Variants in CDH18 observed in about 807,000 individuals in gnomAD.
CDH18 encodes cadherin-18.
CDH18 carries 31 observed loss-of-function variants against 67.9 expected under a neutral mutation model. The ratio of observed to expected loss-of-function variants is 0.46; its 90% confidence interval spans 0.34 to 0.62. CDH18 has a LOEUF of 0.62. Ranked by LOEUF, CDH18 falls within the 20% of genes least tolerant of loss-of-function variation. The pLI is 0.01. For synonymous variants in CDH18, 362 were observed against 347.2 expected (o/e 1.04, Z -0.48); for missense variants, 890 against 975.5 (o/e 0.91, Z 1.17).
intron 1 of CDH18, among the ~76,000 whole-genome samples, chr5:20,460,745 G>C (rs939867233): frequency 6.6e-6 from 1 of 152,106 alleles, no homozygotes; most frequent in African/African-American, 2.4e-5. Flanking sequence ...CAAATAATCT[G>C]CTGTAAATAT....
At chr5:20,248,582 T>C (rs1743565501) in intron 2 of CDH18, among the ~76,000 whole-genome samples, 2 of 152,138 alleles carry the variant, frequency 1.3e-5, no homozygotes, top group Admixed American at 6.5e-5. Flanking sequence ...GGAAACAGAG[T>C]ATATACCTCT....
At chr5:20,223,319 T>C (rs1180458365) in intron 2 of CDH18, among the ~76,000 whole-genome samples, 1 of 152,196 alleles carries the variant, frequency 6.6e-6, no homozygotes, top group Non-Finnish European at 1.5e-5. Context: ...CCCTTCATTT[T>C]AGCCAATTTA....
At chr5:20,186,791 G>T (rs966913213) in intron 2 of CDH18, among the ~76,000 whole-genome samples, 2 of 151,776 alleles carry the variant, frequency 1.3e-5, no homozygotes, top group Non-Finnish European at 2.9e-5. Flanking sequence ...AATTCTTCCA[G>T]GTATATATTC....
intron 1 of CDH18, among the ~76,000 whole-genome samples, chr5:20,574,644 A>G (rs1222109835): frequency 3.3e-5 from 5 of 152,120 alleles, no homozygotes; most frequent in African/African-American, 1.2e-4. Flanking sequence ...GCCCCAGCTC[A>G]TTATTTCTAG....
At chr5:19,907,989 C>T (rs1790708627) in intron 2 of CDH18, among the ~76,000 whole-genome samples, 4 of 152,022 alleles carry the variant, frequency 2.6e-5, no homozygotes, top group African/African-American at 9.7e-5. Flanking sequence ...GTTAATCAGA[C>T]ATTTCTAACT....
At chr5:20,531,725 A>G (rs1488592012) in intron 1 of CDH18, among the ~76,000 whole-genome samples, 2 of 151,940 alleles carry the variant, frequency 1.3e-5, no homozygotes, top group South Asian at 2.1e-4. Context: ...ACAAGCAACA[A>G]TGGGGCCTGT....
chr5:20,204,819 T>G (rs11959223), intron 2 of CDH18, among the ~76,000 whole-genome samples: 18,936 of 151,810 alleles, frequency 0.12, 1,575 homozygotes, highest in African/African-American at 0.23. Flanking sequence ...GTTCCTATTC[T>G]TTTCTTTGTG....
chr5:19,679,819 A>G (rs1434243091), intron 5 of CDH18, among the ~76,000 whole-genome samples: 1 of 152,058 alleles, frequency 6.6e-6, no homozygotes, highest in Non-Finnish European at 1.5e-5. Context: ...AAAACATTCC[A>G]TACTCATGGA....
intron 2 of CDH18, among the ~76,000 whole-genome samples, chr5:19,998,785 GC>G (rs1736217464): frequency 6.6e-6 from 1 of 152,038 alleles, no homozygotes; most frequent in African/African-American, 2.4e-5. Context: ...AGAGGAGGCT[GC>G]CAAGCTTAGA....
chr5:20,453,193 A>G (rs937233438), intron 1 of CDH18, among the ~76,000 whole-genome samples: 2 of 152,198 alleles, frequency 1.3e-5, no homozygotes, highest in African/African-American at 4.8e-5. Flanking sequence ...GATAAACGGT[A>G]TGCATTACCA....
At chr5:19,542,999 G>A (rs937155718) in intron 9 of CDH18, among the ~76,000 whole-genome samples, 2 of 151,852 alleles carry the variant, frequency 1.3e-5, no homozygotes, top group Non-Finnish European at 2.9e-5. Flanking sequence ...ACTTTACATG[G>A]CACTATTTTC....
At chr5:20,101,853 C>T (rs1379300834) in intron 2 of CDH18, among the ~76,000 whole-genome samples, 2 of 152,152 alleles carry the variant, frequency 1.3e-5, no homozygotes, top group Non-Finnish European at 2.9e-5. Flanking sequence ...GCGGGCGGGT[C>T]ACAAGGTCAG....
intron 2 of CDH18, among the ~76,000 whole-genome samples, chr5:20,185,532 A>T (rs4591749): frequency 0.72 from 108,678 of 151,846 alleles, 39,974 homozygotes; most frequent in African/African-American, 0.91. Flanking sequence ...TATAAAGCAA[A>T]CCCAAGCCTG....
intron 1 of CDH18, among the ~76,000 whole-genome samples, chr5:20,331,123 T>C (rs1369233921): frequency 6.6e-6 from 1 of 152,200 alleles, no homozygotes; most frequent in East Asian, 1.9e-4. Context: ...AGGGAAAATA[T>C]TAGTTGTAGA....
At chr5:20,244,907 T>C (rs977282731) in intron 2 of CDH18, among the ~76,000 whole-genome samples, 19 of 152,134 alleles carry the variant, frequency 1.2e-4, no homozygotes, top group African/African-American at 4.6e-4. Flanking sequence ...CTTTTCTTTA[T>C]TCTATTCAGC....
At chr5:20,136,972 G>C (rs1172902381) in intron 2 of CDH18, among the ~76,000 whole-genome samples, 1 of 152,120 alleles carries the variant, frequency 6.6e-6, no homozygotes, top group Non-Finnish European at 1.5e-5. Context: ...TTAGTCTGAT[G>C]GACTTCCCTT....
intron 3 of CDH18, among the ~76,000 whole-genome samples, chr5:19,805,774 C>G (rs1006836650): frequency 2.0e-5 from 3 of 151,972 alleles, no homozygotes; most frequent in African/African-American, 7.3e-5. Context: ...AATATTTAAT[C>G]AATCTATTTC....
chr5:19,612,270 G>C (rs1057405398), intron 6 of CDH18, among the ~76,000 whole-genome samples, 164 bp downstream of exon 6: 1 of 152,052 alleles, frequency 6.6e-6, no homozygotes, highest in Non-Finnish European at 1.5e-5. Context: ...GAAGACAATA[G>C]CTGGAGTGAT....
chr5:20,072,678 G>T (rs1400729992), intron 2 of CDH18, among the ~76,000 whole-genome samples: 1 of 151,836 alleles, frequency 6.6e-6, no homozygotes, highest in Non-Finnish European at 1.5e-5. Flanking sequence ...GGAAATATCT[G>T]TCACTCCAGA....
Sources: allele counts gnomAD v4.1 joint callset (sites outside exome capture counted in the v4.1 genomes callset), GRCh38; gene constraint gnomAD v4.1.1; transcripts MANE v1.5; gene names NCBI Gene and HGNC (gene_info 2026-07-23, HGNC 2026-07-21).